The following HNF4G variants were observed in gnomAD, a reference collection of about 807,000 sequenced individuals.
HNF4G encodes hepatocyte nuclear factor 4 gamma.
HNF4G carries 21 observed loss-of-function variants against 50.9 expected under a neutral mutation model. That is an observed-to-expected ratio of 0.41 (90% confidence interval 0.29 to 0.59). The LOEUF (loss-of-function observed/expected upper bound fraction) is 0.59. HNF4G is among the 20% of genes least tolerant of loss of function. HNF4G has a pLI of 0.26. For missense variants in HNF4G, 527 were observed against 559.4 expected, an observed-to-expected ratio of 0.94 and a Z score of 0.58; for synonymous variants, 198 against 185.6, an observed-to-expected ratio of 1.07 and a Z score of -0.54.
At chr8:75,410,656 C>T (rs1005820550) in intron 1 of HNF4G, among the ~76,000 whole-genome samples, 1 of 152,128 alleles carries the variant, frequency 6.6e-6, no homozygotes, top group African/African-American at 2.4e-5. Flanking sequence ...TTTGTAACTA[C>T]ATGTTTTCCT....
chr8:75,431,044 T>C (rs1198551461), intron 1 of HNF4G, among the ~76,000 whole-genome samples: 1 of 152,008 alleles, frequency 6.6e-6, no homozygotes, highest in Admixed American at 6.6e-5. Context: ...CATTTTGAGA[T>C]ATGAAGAAAA....
intron 8 of HNF4G, among the ~76,000 whole-genome samples, chr8:75,559,794 A>G (rs1179177934): frequency 2.6e-5 from 4 of 152,196 alleles, no homozygotes; most frequent in African/African-American, 7.2e-5. Context: ...TTAAAAATGA[A>G]CATTGTGCTC....
intron 1 of HNF4G, among the ~76,000 whole-genome samples, chr8:75,443,546 G>A (rs764467758): frequency 5.3e-5 from 8 of 152,088 alleles, no homozygotes; most frequent in Non-Finnish European, 1.2e-4. Flanking sequence ...TTCATTTTGA[G>A]ATGAGAGTCT....
intron 1 of HNF4G, among the ~76,000 whole-genome samples, chr8:75,479,174 C>G (rs1024182504): frequency 2.0e-5 from 3 of 152,138 alleles, no homozygotes; most frequent in Non-Finnish European, 4.4e-5. Context: ...GATAGATTGG[C>G]CTCTTAGATT....
At chr8:75,431,124 T>A (rs186185132) in intron 1 of HNF4G, among the ~76,000 whole-genome samples, 92 of 152,146 alleles carry the variant, frequency 6.0e-4, no homozygotes, top group African/African-American at 2.2e-3. Context: ...AAAAGGAAAT[T>A]TTTGAAATAG....
At chr8:75,438,160 A>G (rs1234209514) in intron 1 of HNF4G, among the ~76,000 whole-genome samples, 3 of 152,218 alleles carry the variant, frequency 2.0e-5, no homozygotes, top group Non-Finnish European at 4.4e-5. Context: ...AGGTATGTAC[A>G]TGTAATGATG....
intron 1 of HNF4G, among the ~76,000 whole-genome samples, chr8:75,479,270 G>C (rs1002499315): frequency 6.6e-6 from 1 of 152,148 alleles, no homozygotes; most frequent in East Asian, 1.9e-4. Flanking sequence ...GAAGTTAGTG[G>C]ATTCGTGCAC....
chr8:75,553,002 A>G, intron 4 of HNF4G, 40 bp from the exon 5 acceptor site: 2 of 1,460,034 alleles, frequency 1.4e-6, no homozygotes, highest in Non-Finnish European at 9.4e-7. Context: ...TTGGCCATCT[A>G]TTATTTTAAA....
upstream of HNF4G, among the ~76,000 whole-genome samples, chr8:75,538,483 G>A (rs1806528680): frequency 6.6e-6 from 1 of 151,958 alleles, no homozygotes; most frequent in Admixed American, 6.6e-5. Context: ...CTCTGTATTG[G>A]TTAGTTATTT....
intron 1 of HNF4G, among the ~76,000 whole-genome samples, chr8:75,484,217 CTAAA>C (rs1415758228): frequency 6.6e-6 from 1 of 152,044 alleles, no homozygotes; most frequent in Non-Finnish European, 1.5e-5. Context: ...AATCACATGA[CTAAA>C]TAGGAGAATG....
At chr8:75,504,534 C>A (rs1813024339) in intron 2 of HNF4G, among the ~76,000 whole-genome samples, 1 of 151,924 alleles carries the variant, frequency 6.6e-6, no homozygotes, top group African/African-American at 2.4e-5. Context: ...TGGGGGAGGG[C>A]AATTTACATT....
intron 2 of HNF4G, among the ~76,000 whole-genome samples, chr8:75,509,568 T>G (rs953066743): frequency 1.3e-5 from 2 of 152,196 alleles, no homozygotes; most frequent in Non-Finnish European, 1.5e-5. Context: ...CAATGGAACT[T>G]TATCTTCTGT....
At chr8:75,469,856 T>G (rs1812072530) in intron 1 of HNF4G, among the ~76,000 whole-genome samples, 1 of 152,106 alleles carries the variant, frequency 6.6e-6, no homozygotes, top group South Asian at 2.1e-4. Flanking sequence ...TTTATTTCAT[T>G]AAGTGTTTTC....
In HNF4G at chr8:75,547,636, T is replaced by C; in HGVS notation, c.337T>C (p.Tyr113His). ...CAAGGACAAAAGGAATCAATGTAGA[T>C]ATTGTCGATTAAGAAAGTGTTTTAG... ...VDKDKRNQCR[Y>H]CRLRKCFRAG... Residue 113 changes from tyrosine (Y) to histidine (H), a missense_variant, in exon 3 of 10, where the codon TAT (tyrosine) becomes CAT (histidine). Physicochemically the swap from Tyr to His is moderately conservative, Grantham distance 83. This residue lies in a region of HNF4G where 128 missense variants were observed against 135.3 expected (regional missense o/e 0.95). Transcript: ENST00000396423. The C allele has an allele frequency of 6.2e-7, 1 of 1,611,992 alleles. No individual in the cohort carries two copies. Among genetic ancestry groups the C allele is most frequent in the Non-Finnish European group, 8.5e-7 (1 of 1,178,204 alleles).
chr8:75,461,026 G>C (rs1811826393), intron 1 of HNF4G, among the ~76,000 whole-genome samples: 1 of 152,164 alleles, frequency 6.6e-6, no homozygotes, highest in Non-Finnish European at 1.5e-5. Context: ...CAACTTTGCA[G>C]ATAAAGAAAG....
intron 1 of HNF4G, among the ~76,000 whole-genome samples, chr8:75,437,603 A>G (rs974040479): frequency 6.6e-6 from 1 of 152,162 alleles, no homozygotes; most frequent in Non-Finnish European, 1.5e-5. Context: ...TGAACCCAGG[A>G]GGTGCAGGGT....
At chr8:75,524,318 T>C (rs1385910338) in intron 2 of HNF4G, among the ~76,000 whole-genome samples, 1 of 152,170 alleles carries the variant, frequency 6.6e-6, no homozygotes, top group Non-Finnish European at 1.5e-5. Flanking sequence ...GGGAGGCATA[T>C]AAATGGAAAC....
At chr8:75,545,359 G>T (rs1237627891) in intron 2 of HNF4G, among the ~76,000 whole-genome samples, 1 of 151,822 alleles carries the variant, frequency 6.6e-6, no homozygotes, top group Non-Finnish European at 1.5e-5. Flanking sequence ...CTTTCTTTAT[G>T]GGAAGAGTGG....
intron 1 of HNF4G, among the ~76,000 whole-genome samples, chr8:75,445,005 C>A (rs1005624482): frequency 4.6e-5 from 7 of 150,662 alleles, no homozygotes; most frequent in South Asian, 2.1e-4. Context: ...CACACCTATT[C>A]CAAAACTGAC....
Sources: allele counts gnomAD v4.1 joint callset (sites outside exome capture counted in the v4.1 genomes callset), GRCh38; gene constraint gnomAD v4.1.1; regional missense constraint gnomAD v4.1.1; transcripts MANE v1.5; gene names NCBI Gene and HGNC (gene_info 2026-07-23, HGNC 2026-07-21).